RAB6B: variants seen among roughly 807,000 people sequenced by gnomAD.
The protein encoded by RAB6B is ras-related protein Rab-6B.
RAB6B carries 7 observed loss-of-function variants against 31.2 expected under a neutral mutation model. The observed-to-expected ratio is 0.22, with a 90% CI of 0.13 to 0.42. RAB6B has a LOEUF of 0.42. Among genes scored for constraint, RAB6B ranks in the 10% least tolerant of loss-of-function variants. The pLI is 1.00. For synonymous variants in RAB6B, 105 were observed against 104.9 expected (o/e 1.00, Z -0.01); for missense variants, 149 against 280.6 (o/e 0.53, Z 3.35).
rs1935595227 is a variant in RAB6B, at chr3:133,827,898, G to A, written c.*890C>T. On this transcript the variant is annotated 3_prime_UTR_variant, in exon 8 of 8. Coordinates refer to ENST00000285208, the MANE Select transcript of RAB6B (RefSeq NM_016577.4). ...GGCCCAGGCATGTGTACTGACTGCT[G>A]GGTGGGCTGGTTAAAATATTTTCAG... The A allele has an allele frequency of 4.3e-6, 3 of 702,752 alleles. No individual in the cohort carries two copies. Among genetic ancestry groups the A allele is most frequent in the African/African-American group, 1.7e-5 (1 of 57,182 alleles). The allele number at this position is 702,752 out of a possible 1,614,324, so 43.5% of individuals were successfully genotyped here. A position where few individuals can be genotyped will look rare whatever the true frequency, so the allele number is the denominator to read the frequency against.
intron 2 of RAB6B, among the ~76,000 whole-genome samples, chr3:133,861,586 G>A (rs1055297022): frequency 6.6e-6 from 1 of 152,198 alleles, no homozygotes; most frequent in Non-Finnish European, 1.5e-5. Flanking sequence ...TGAGGATAGG[G>A]TTAAACGCCC....
At chr3:133,833,768 C>T (rs1935690945) in intron 7 of RAB6B, among the ~76,000 whole-genome samples, 1 of 152,064 alleles carries the variant, frequency 6.6e-6, no homozygotes, top group Admixed American at 6.5e-5. Context: ...GGATGCCAGC[C>T]AGGGATCTGC....
At chr3:133,840,988 G>T (rs1404673654) in intron 4 of RAB6B, among the ~76,000 whole-genome samples, 1 of 152,112 alleles carries the variant, frequency 6.6e-6, no homozygotes, top group Non-Finnish European at 1.5e-5. Flanking sequence ...GCTGGAGCAG[G>T]GCCAACCTTG....
Position 133,884,896 on chromosome 3 carries a change from GAGGACGGGGGGGCTTATATATCCCAATA to G in RAB6B, c.70+10473_70+10500del, listed in dbSNP as rs1215604839. On this transcript the variant is annotated intron_variant, in intron 1 of 7. Transcript: ENST00000285208. Reference sequence around the variant, plus strand: ...GGGGGATTCACACACCAAATAATCAGAGGACGGGGGGGCTTATATATCCCAATAACCAGAGGATGGGGGGCTCACACAC... The same window carrying G: ...GGGGGATTCACACACCAAATAATCAGACCAGAGGATGGGGGGCTCACACAC... Among the ~76,000 whole-genome samples the G allele has an allele frequency of 1.1e-4, 12 of 106,052 alleles. No individual in the cohort carries two copies. The South Asian group carries it at 1.3e-3, about 11-fold the overall frequency. The allele number at this position is 106,052 out of a possible 152,430, so 69.6% of individuals were successfully genotyped here.
chr3:133,862,952 C>T (rs192936115), intron 2 of RAB6B, among the ~76,000 whole-genome samples: 1 of 152,322 alleles, frequency 6.6e-6, no homozygotes, highest in Admixed American at 6.5e-5. Context: ...CACACACATG[C>T]ATGCACAAAA....
intron 1 of RAB6B, 140 bp from the exon 2 acceptor site, chr3:133,864,782 C>T: frequency 1.2e-6 from 1 of 826,414 alleles, no homozygotes; most frequent in Non-Finnish European, 2.0e-6. Flanking sequence ...AAGTGGGAGA[C>T]AGGCCCCTGC....
rs1935826332 is a variant in RAB6B, at chr3:133,841,272, G to C, written c.289+13C>G. Reference sequence around the variant, plus strand: ...TATGAGCCACCCTCCCTTAGGAGCAGAGCCTCACTCACTTGTGATGTCGTA... The same window carrying C: ...TATGAGCCACCCTCCCTTAGGAGCACAGCCTCACTCACTTGTGATGTCGTA... On this transcript the variant is annotated intron_variant, in intron 4 of 7. Transcript: ENST00000285208. 6.2e-7 allele frequency: 1 copy of C among 1,613,882 alleles called. No homozygotes were observed.
chr3:133,837,424 C>G (rs1286296459), intron 6 of RAB6B, among the ~76,000 whole-genome samples: 1 of 152,192 alleles, frequency 6.6e-6, no homozygotes, highest in Non-Finnish European at 1.5e-5. Flanking sequence ...ACCTGCAACA[C>G]TATGAGGTGA....
intron 2 of RAB6B, among the ~76,000 whole-genome samples, chr3:133,850,136 A>G (rs1283280025): frequency 6.6e-6 from 1 of 152,216 alleles, no homozygotes; most frequent in East Asian, 1.9e-4. Flanking sequence ...GACTGAAAAC[A>G]AAATAAAACA....
chr3:133,832,221 T>G (rs1935664668), intron 7 of RAB6B, among the ~76,000 whole-genome samples: 1 of 152,168 alleles, frequency 6.6e-6, no homozygotes, highest in African/African-American at 2.4e-5. Context: ...TGGGGGGTTG[T>G]GTATGTAGAA....
intron 1 of RAB6B, chr3:133,885,581 A>AG (rs1936534597): frequency 1.4e-6 from 1 of 703,048 alleles, no homozygotes; most frequent in Non-Finnish European, 2.6e-6. Flanking sequence ...CTGAGCAGGT[A>AG]GCAGAGAGGG....
intron 7 of RAB6B, among the ~76,000 whole-genome samples, chr3:133,832,513 G>A (rs1207632915): frequency 6.6e-6 from 1 of 152,208 alleles, no homozygotes; most frequent in Non-Finnish European, 1.5e-5. Context: ...CTGTGTGGCT[G>A]CTCTCAATGT....
chr3:133,865,883 G>T (rs939617223), intron 1 of RAB6B, among the ~76,000 whole-genome samples: 1 of 152,212 alleles, frequency 6.6e-6, no homozygotes, highest in African/African-American at 2.4e-5. Context: ...TTTGCTATGG[G>T]AAAGATGATC....
At chr3:133,859,065 A>C (rs1183307012) in intron 2 of RAB6B, among the ~76,000 whole-genome samples, 1 of 152,094 alleles carries the variant, frequency 6.6e-6, no homozygotes, top group Non-Finnish European at 1.5e-5. Flanking sequence ...TGCAGCCTTG[A>C]CCTCACAGGC....
chr3:133,864,730 A>G (rs1936211326), intron 1 of RAB6B, 88 bp from the exon 2 acceptor site: 8 of 1,323,828 alleles, frequency 6.0e-6, no homozygotes, highest in Non-Finnish European at 7.6e-6. Flanking sequence ...AAGATAACAA[A>G]ACCAAAAAGC....
At chr3:133,851,054 T>G (rs916371115) in intron 2 of RAB6B, among the ~76,000 whole-genome samples, 10 of 147,208 alleles carry the variant, frequency 6.8e-5, no homozygotes, top group African/African-American at 2.5e-4. Context: ...GAATTCTAAA[T>G]CCAGCAAAAA....
At chr3:133,873,037 G>A (rs1323021900) in intron 1 of RAB6B, among the ~76,000 whole-genome samples, 1 of 152,128 alleles carries the variant, frequency 6.6e-6, no homozygotes, top group Non-Finnish European at 1.5e-5. Context: ...CTTCTCCACT[G>A]AGTGCCCCGT....
At chr3:133,864,020 C>A (rs1002457901) in intron 2 of RAB6B, among the ~76,000 whole-genome samples, 1 of 152,142 alleles carries the variant, frequency 6.6e-6, no homozygotes, top group Non-Finnish European at 1.5e-5. Flanking sequence ...GCCTCCAGGG[C>A]CAGGAGCTGC....
At chr3:133,871,906 G>A (rs1936331381) in intron 1 of RAB6B, among the ~76,000 whole-genome samples, 1 of 152,360 alleles carries the variant, frequency 6.6e-6, no homozygotes, top group Admixed American at 6.5e-5. Flanking sequence ...CAAACAGTGG[G>A]ATCCTGATCC....
Sources: allele counts gnomAD v4.1 joint callset (sites outside exome capture counted in the v4.1 genomes callset), GRCh38; gene constraint gnomAD v4.1.1; transcripts MANE v1.5; gene names NCBI Gene and HGNC (gene_info 2026-07-23, HGNC 2026-07-21).